The following TRPS1 variants were observed in gnomAD, a reference collection of about 807,000 sequenced individuals.
TRPS1 encodes the protein transcriptional repressor GATA binding 1.
Under a neutral mutation model 101.2 loss-of-function variants are expected in TRPS1, and 6 were observed. That is an observed-to-expected ratio of 0.06 (90% CI 0.03 to 0.12). The LOEUF is 0.12. TRPS1 is among the 10% of genes least tolerant of loss of function. TRPS1 has a pLI of 1.00. For missense variants in TRPS1, 1,363 were observed against 1,567.0 expected (o/e 0.87, Z 2.20); for synonymous variants, 578 against 589.8 (o/e 0.98, Z 0.29).
chr8:115,460,392 A>T (rs536242685), intron 5 of TRPS1, among the ~76,000 whole-genome samples: 1 of 152,156 alleles, frequency 6.6e-6, no homozygotes, highest in African/African-American at 2.4e-5. Context: ...ATTAAGATTG[A>T]TATTTGAATC....
chr8:115,458,663 G>T (rs982374741), intron 5 of TRPS1, among the ~76,000 whole-genome samples: 46 of 152,292 alleles, frequency 3.0e-4, no homozygotes, highest in Middle Eastern at 6.8e-3. Context: ...AAACATGTAG[G>T]CAGCACCTGC....
chr8:115,472,233 G>A (rs1814490191), intron 5 of TRPS1, among the ~76,000 whole-genome samples: 1 of 152,156 alleles, frequency 6.6e-6, no homozygotes, highest in Non-Finnish European at 1.5e-5. Context: ...TGTAATCTAG[G>A]CCAATGTTCC....
At chr8:115,524,079 T>G (rs910421905) in intron 5 of TRPS1, among the ~76,000 whole-genome samples, 3 of 152,098 alleles carry the variant, frequency 2.0e-5, no homozygotes, top group Admixed American at 2.0e-4. Context: ...ATAACTGAAT[T>G]TATTCAATCA....
chr8:115,474,784 G>A lies in TRPS1; in HGVS notation c.2701-56332C>T, dbSNP rs537522095. Among the ~76,000 whole-genome samples, 3 of 152,142 alleles carry A rather than the reference G, an allele frequency of 2.0e-5. No homozygotes were observed. The South Asian group carries it at 6.2e-4, about 32-fold the overall frequency. On this transcript the variant is annotated intron_variant, in intron 5 of 6. Coordinates refer to ENST00000395715, the MANE Select transcript of TRPS1 (RefSeq NM_014112.5). Reference sequence around the variant, plus strand: ...AAAGAAGTAAAAACAAATTGGAGAGGGCAGGTGGGAATATTTTAAAAGCTG... The same window carrying A: ...AAAGAAGTAAAAACAAATTGGAGAGAGCAGGTGGGAATATTTTAAAAGCTG...
chr8:115,427,928 C>T (rs1431364779), intron 5 of TRPS1, among the ~76,000 whole-genome samples: 1 of 152,098 alleles, frequency 6.6e-6, no homozygotes, highest in Non-Finnish European at 1.5e-5. Context: ...GTGAAACAGG[C>T]CGCTGCTTAA....
At chr8:115,617,021 C>T (rs935121850) in intron 3 of TRPS1, among the ~76,000 whole-genome samples, 2 of 152,150 alleles carry the variant, frequency 1.3e-5, no homozygotes, top group East Asian at 3.9e-4. Flanking sequence ...CAGTATCTGG[C>T]ATATGTGCAA....
At chr8:115,459,769 A>G (rs1409222331) in intron 5 of TRPS1, among the ~76,000 whole-genome samples, 1 of 152,212 alleles carries the variant, frequency 6.6e-6, no homozygotes, top group Non-Finnish European at 1.5e-5. Flanking sequence ...TGTAGAACAT[A>G]ATCAAATTCA....
intron 5 of TRPS1, among the ~76,000 whole-genome samples, chr8:115,521,560 G>A (rs1387116144): frequency 1.3e-5 from 2 of 151,658 alleles, no homozygotes; most frequent in Non-Finnish European, 2.9e-5. Context: ...CTATATCCAC[G>A]ATGTGTTAAT....
At chr8:115,470,459 C>G (rs1353289646) in intron 5 of TRPS1, among the ~76,000 whole-genome samples, 3 of 152,128 alleles carry the variant, frequency 2.0e-5, no homozygotes, top group Non-Finnish European at 4.4e-5. Flanking sequence ...CATTGCCTAT[C>G]TTACCTTATT....
intron 5 of TRPS1, among the ~76,000 whole-genome samples, chr8:115,571,120 G>C (rs184954971): frequency 5.1e-4 from 78 of 152,262 alleles, no homozygotes; most frequent in African/African-American, 1.8e-3. Flanking sequence ...TATGATTAGA[G>C]TTCATAGTCC....
intron 5 of TRPS1, among the ~76,000 whole-genome samples, chr8:115,551,974 A>G (rs577855682): frequency 1.3e-5 from 2 of 152,284 alleles, no homozygotes; most frequent in South Asian, 4.1e-4. Flanking sequence ...TCTTCGAATC[A>G]TCTTGCAGAC....
At chr8:115,518,528 T>C (rs1815777656) in intron 5 of TRPS1, among the ~76,000 whole-genome samples, 1 of 151,868 alleles carries the variant, frequency 6.6e-6, no homozygotes, top group Non-Finnish European at 1.5e-5. Flanking sequence ...CTGTGACTTA[T>C]TTTCTCATTC....
intron 5 of TRPS1, among the ~76,000 whole-genome samples, chr8:115,429,174 T>A (rs1421211046): frequency 6.6e-6 from 1 of 152,194 alleles, no homozygotes; most frequent in Non-Finnish European, 1.5e-5. Context: ...GAAAGTCCTA[T>A]AATAGGCTGT....
intron 5 of TRPS1, among the ~76,000 whole-genome samples, chr8:115,424,261 A>G (rs1427246761): frequency 6.6e-6 from 1 of 152,238 alleles, no homozygotes; most frequent in Non-Finnish European, 1.5e-5. Flanking sequence ...TTAACTCTTT[A>G]AATATTTTCT....
chr8:115,428,605 T>C (rs1813245177), intron 5 of TRPS1, among the ~76,000 whole-genome samples: 1 of 152,202 alleles, frequency 6.6e-6, no homozygotes, highest in African/African-American at 2.4e-5. Flanking sequence ...TGACAAACTA[T>C]GAATGTGTCC....
At position 115,439,497 on chromosome 8, in the gene TRPS1, A is replaced by G. The variant is rs541480960; in HGVS notation, c.2701-21045T>C. 4.6e-5 allele frequency among the ~76,000 whole-genome samples: 7 copies of G among 152,358 alleles called. No homozygotes were observed. In the South Asian group the frequency reaches 1.0e-3, roughly 23 times the overall value. ...TATGTAATGTTCTTCAGGTTTTTAC[A>G]AAGTTTATTTTTAAAGTAAATCACT... On this transcript the variant is annotated intron_variant, in intron 5 of 6. Transcript: ENST00000395715.
Position 115,587,057 on chromosome 8 carries a change from G to T in TRPS1, c.2644C>A (p.Gln882Lys). 6.2e-7 allele frequency: 1 copy of T among 1,614,198 alleles called. No homozygotes were observed. The highest frequency in any genetic ancestry group is 8.5e-7 in the Non-Finnish European group (1 of 1,180,026). Residue 882 changes from glutamine to lysine, a missense_variant, in exon 5 of 7, where the codon CAG (glutamine) becomes AAG (lysine). Coordinates refer to ENST00000395715, the MANE Select transcript of TRPS1 (RefSeq NM_014112.5). ...TTGTTTTCTCCCGATGCAGGATACTGCTGGGGGAGGGCCCCAGACTTCTCT... is the reference window on the plus strand; with the variant it reads ...TTGTTTTCTCCCGATGCAGGATACTTCTGGGGGAGGGCCCCAGACTTCTCT... ...GGEKSGALPQ[Q>K]YPASGENKSK...
intron 5 of TRPS1, among the ~76,000 whole-genome samples, chr8:115,445,821 G>A (rs1813718876): frequency 1.3e-5 from 2 of 152,162 alleles, no homozygotes; most frequent in South Asian, 4.1e-4. Context: ...TACTGTCACA[G>A]CAATGTAAAA....
chr8:115,553,508 A>G (rs1403794415), intron 5 of TRPS1, among the ~76,000 whole-genome samples: 1 of 152,142 alleles, frequency 6.6e-6, no homozygotes, highest in African/African-American at 2.4e-5. Context: ...CTTTCTAGCT[A>G]GTTAAAAACC....
Sources: allele counts gnomAD v4.1 joint callset (sites outside exome capture counted in the v4.1 genomes callset), GRCh38; gene constraint gnomAD v4.1.1; transcripts MANE v1.5; gene names NCBI Gene and HGNC (gene_info 2026-07-23, HGNC 2026-07-21).